The following POT1 variants were observed in gnomAD, a reference collection of about 807,000 sequenced individuals.
POT1 encodes protection of telomeres 1, also known as protection of telomeres protein 1.
POT1 carries 47 observed loss-of-function variants against 78.5 expected under a neutral mutation model. That is an observed-to-expected ratio of 0.60 (90% CI 0.47 to 0.76). The LOEUF (loss-of-function observed/expected upper bound fraction) is 0.76, where lower values mean the gene tolerates loss of function less well. POT1 is among the 30% of genes least tolerant of loss of function. The pLI is 0.00. For missense variants in POT1, 646 were observed against 749.9 expected, an observed-to-expected ratio of 0.86 and a Z score of 1.62; for synonymous variants, 259 against 260.7, an observed-to-expected ratio of 0.99 and a Z score of 0.06.
intron 2 of POT1, among the ~76,000 whole-genome samples, chr7:124,918,804 GA>G (rs1239115248): frequency 6.6e-6 from 1 of 152,082 alleles, no homozygotes; most frequent in Non-Finnish European, 1.5e-5. Flanking sequence ...CCTCTCTCGG[GA>G]GGGGTAAAGC....
intron 3 of POT1, among the ~76,000 whole-genome samples, chr7:124,908,436 C>A (rs1157694958): frequency 6.6e-6 from 1 of 151,984 alleles, no homozygotes; most frequent in Non-Finnish European, 1.5e-5. Context: ...ACCTCATCAG[C>A]CACATCAGCC....
In POT1 at chr7:124,853,155, T is replaced by A; in HGVS notation, c.703-17A>T. 6.5e-7 allele frequency: 1 copy of A among 1,530,750 alleles called. No homozygotes were observed. Among genetic ancestry groups the A allele is most frequent in the Non-Finnish European group, 8.9e-7 (1 of 1,123,120 alleles). 94.8% of individuals were successfully genotyped at this position (1,530,750 alleles called of 1,614,324 possible). A position where few individuals can be genotyped will look rare whatever the true frequency, so the allele number is the denominator to read the frequency against. ...GCTTCCAACCTAAAAAATAGATCATTTGTTATTTAGAAAGTGGGGAAAAAT... is the reference window on the plus strand; with the variant it reads ...GCTTCCAACCTAAAAAATAGATCATATGTTATTTAGAAAGTGGGGAAAAAT... On this transcript the variant is annotated splice_polypyrimidine_tract_variant and intron_variant, in intron 9 of 18. Transcript: ENST00000357628.
At position 124,881,618 on chromosome 7, in the gene POT1, A is replaced by G. The variant is rs1796120623; in HGVS notation, c.125-10577T>C. On this transcript the variant is annotated intron_variant, in intron 6 of 18. Coordinates refer to ENST00000357628, the MANE Select transcript of POT1 (RefSeq NM_015450.3). ...TAGTAACAATGCAAACTGCTAAAAT[A>G]TGTCTTATTTAACTGCTCCAAGGAA... Among the ~76,000 whole-genome samples the G allele has an allele frequency of 2.0e-5, 3 of 151,994 alleles. 1 individual carries two copies. In the South Asian group the frequency reaches 6.2e-4, roughly 31 times the overall value.
chr7:124,852,873 A>G (rs1300737931), intron 10 of POT1, 99 bp downstream of exon 10: 9 of 1,086,534 alleles, frequency 8.3e-6, no homozygotes, highest in Admixed American at 2.8e-5. Flanking sequence ...CAAATGGCAC[A>G]AAAGGCTAGG....
At chr7:124,879,767 G>GA (rs943427347) in intron 6 of POT1, among the ~76,000 whole-genome samples, 15 of 152,116 alleles carry the variant, frequency 9.9e-5, no homozygotes, top group South Asian at 6.2e-4. Flanking sequence ...GTGATAAAGA[G>GA]AAAAAAATCA....
rs1193052900 is a variant in POT1 at position 124,926,112 on chromosome 7, T to TA, written c.-227+2702dup. 2.0e-5 allele frequency among the ~76,000 whole-genome samples: 3 copies of TA among 152,194 alleles called. No individual in the cohort carries two copies. In the East Asian group the frequency reaches 5.8e-4, roughly 29 times the overall value. Reference sequence around the variant, plus strand: ...AAAACACAAATAGACAAATGAAACTTAATTAAGCTAAAAAGCTTCTGTGCT... The same window carrying TA: ...AAAACACAAATAGACAAATGAAACTTAAATTAAGCTAAAAAGCTTCTGTGCT... On this transcript the variant is annotated intron_variant, in intron 2 of 18. Coordinates refer to ENST00000357628, the MANE Select transcript of POT1 (RefSeq NM_015450.3).
At chr7:124,828,814 A>G in intron 16 of POT1, 3 of 474,556 alleles carry the variant, frequency 6.3e-6, no homozygotes, top group Non-Finnish European at 8.5e-6. Context: ...CTGTATCAAA[A>G]AGGAAAGAAA....
intron 2 of POT1, among the ~76,000 whole-genome samples, chr7:124,916,233 C>T (rs1224209734): frequency 6.6e-6 from 1 of 151,942 alleles, no homozygotes; most frequent in African/African-American, 2.4e-5. Flanking sequence ...GCTAATATTC[C>T]AGACTTTGAT....
chr7:124,881,541 A>G (rs909317865), intron 6 of POT1, among the ~76,000 whole-genome samples: 3 of 152,032 alleles, frequency 2.0e-5, no homozygotes, highest in Non-Finnish European at 4.4e-5. Context: ...GGTTCCCTCA[A>G]TTAGCATTAG....
chr7:124,897,854 A>G (rs1469140264), intron 4 of POT1, among the ~76,000 whole-genome samples: 1 of 151,918 alleles, frequency 6.6e-6, no homozygotes, highest in Admixed American at 6.6e-5. Flanking sequence ...GTAGGGTGTT[A>G]AAAGAGGAAA....
intron 3 of POT1, among the ~76,000 whole-genome samples, chr7:124,900,335 T>G (rs959203537): frequency 6.6e-6 from 1 of 152,160 alleles, no homozygotes; most frequent in African/African-American, 2.4e-5. Flanking sequence ...CTAATCTATA[T>G]TTCAAAGTCT....
chr7:124,897,219 G>A lies in POT1; in HGVS notation c.-39-7C>T, dbSNP rs1403130465. On this transcript the variant is annotated splice_polypyrimidine_tract_variant and splice_region_variant and intron_variant, in intron 4 of 18. Coordinates refer to ENST00000357628, the MANE Select transcript of POT1 (RefSeq NM_015450.3). ...TTAAAGATTTGACATAAACCTGAAGGAAAAAAAGAAAGAACTTATTTGTAT... is the reference window on the plus strand; with the variant it reads ...TTAAAGATTTGACATAAACCTGAAGAAAAAAAAGAAAGAACTTATTTGTAT... 3.0e-6 allele frequency: 4 copies of A among 1,330,020 alleles called. No homozygotes were observed. The highest frequency in any genetic ancestry group is 2.1e-6 in the Non-Finnish European group (2 of 955,922). 82.4% of individuals were successfully genotyped at this position (1,330,020 alleles called of 1,614,324 possible). A position where few individuals can be genotyped will look rare whatever the true frequency, so the allele number is the denominator to read the frequency against.
chr7:124,903,956 AC>A (rs1459947105), intron 3 of POT1, among the ~76,000 whole-genome samples: 2 of 152,212 alleles, frequency 1.3e-5, no homozygotes, highest in African/African-American at 4.8e-5. Context: ...CCCTCCCAAG[AC>A]TAAACCAGGA....
intron 3 of POT1, among the ~76,000 whole-genome samples, chr7:124,902,757 C>G (rs962125226): frequency 6.6e-6 from 1 of 152,152 alleles, no homozygotes; most frequent in South Asian, 2.1e-4. Context: ...CAAGACCCCT[C>G]AGTGTGTTGT....
intron 3 of POT1, among the ~76,000 whole-genome samples, chr7:124,914,918 T>C (rs775103555): frequency 3.9e-5 from 6 of 152,248 alleles, no homozygotes; most frequent in Non-Finnish European, 7.3e-5. Context: ...AATGTATTTA[T>C]ATTTAATTTA....
chr7:124,832,907 G>A lies in POT1; in HGVS notation c.1505+2372C>T, dbSNP rs559098308. On this transcript the variant is annotated intron_variant, in intron 15 of 18. Transcript: ENST00000357628. ...GTAGTAGTATTTCAGAGTTTAAAAT[G>A]AATATGAATATTTCCTTTCCTGGTT... 4.6e-5 allele frequency among the ~76,000 whole-genome samples: 7 copies of A among 151,774 alleles called. No homozygotes were observed. In the East Asian group the frequency reaches 1.4e-3, roughly 29 times the overall value.
chr7:124,870,788 T>A (rs1795848385), intron 7 of POT1, 123 bp downstream of exon 7: 2 of 671,718 alleles, frequency 3.0e-6, no homozygotes, highest in African/African-American at 3.7e-5. Flanking sequence ...TTACTTCTTA[T>A]CTCCTGAAAA....
chr7:124,846,899 T>C (rs368712997), intron 12 of POT1, 43 bp downstream of exon 12: 243 of 1,362,810 alleles, frequency 1.8e-4, no homozygotes, highest in Non-Finnish European at 2.3e-4. Flanking sequence ...GACTTTATTA[T>C]GCTCATTACT....
At chr7:124,883,047 G>T (rs181976821) in intron 6 of POT1, among the ~76,000 whole-genome samples, 1 of 152,034 alleles carries the variant, frequency 6.6e-6, no homozygotes, top group East Asian at 1.9e-4. Context: ...CTTTAAAGAG[G>T]TAAGTGATAA....
Sources: allele counts gnomAD v4.1 joint callset (sites outside exome capture counted in the v4.1 genomes callset), GRCh38; gene constraint gnomAD v4.1.1; transcripts MANE v1.5; gene names NCBI Gene and HGNC (gene_info 2026-07-23, HGNC 2026-07-21).